The following CREBRF variants were observed in gnomAD, a reference collection of about 807,000 sequenced individuals.
CREBRF encodes the protein CREB3 regulatory factor.
Under a neutral mutation model 66.1 loss-of-function variants are expected in CREBRF, and 5 were observed. The observed-to-expected ratio is 0.08, with a 90% CI of 0.04 to 0.16. CREBRF has a LOEUF of 0.16. Among genes scored for constraint, CREBRF ranks in the 10% least tolerant of loss-of-function variants. The probability of loss-of-function intolerance (pLI) is 1.00; values close to 1 mark genes in which losing one functional copy is unlikely to be tolerated. For synonymous variants in CREBRF, 229 were observed against 264.4 expected, an observed-to-expected ratio of 0.87 and a Z score of 1.30; for missense variants, 531 against 744.9, an observed-to-expected ratio of 0.71 and a Z score of 3.34.
Position 173,086,641 on chromosome 5 carries a change from C to A in CREBRF, c.135+15C>A, listed in dbSNP as rs748505426. 8 of 1,598,368 alleles carry A rather than the reference C, an allele frequency of 5.0e-6. No individual in the cohort carries two copies. In the East Asian group the frequency reaches 1.6e-4, roughly 32 times the overall value. On this transcript the variant is annotated intron_variant, in intron 3 of 8. Coordinates refer to ENST00000296953, the MANE Select transcript of CREBRF (RefSeq NM_153607.3). ...TGTATGAACTGGTAAGCAACATTTTCTTGGTTTTGGTCTTGATTGATTTGG... is the reference window on the plus strand; with the variant it reads ...TGTATGAACTGGTAAGCAACATTTTATTGGTTTTGGTCTTGATTGATTTGG...
chr5:173,109,487 T>A (rs1386482752), intron 5 of CREBRF: 2 of 150,164 alleles, frequency 1.3e-5, no homozygotes, highest in Non-Finnish European at 2.9e-5. Context: ...AAAAAAATTT[T>A]AAAAATGACA....
At chr5:173,116,233 C>T (rs1758985561) in intron 7 of CREBRF, among the ~76,000 whole-genome samples, 1 of 152,198 alleles carries the variant, frequency 6.6e-6, no homozygotes, top group South Asian at 2.1e-4. Context: ...TTCCTTACAG[C>T]TTTACCGAGG....
chr5:173,070,026 C>G (rs1369104173), intron 1 of CREBRF, among the ~76,000 whole-genome samples: 1 of 151,876 alleles, frequency 6.6e-6, no homozygotes, highest in Non-Finnish European at 1.5e-5. Context: ...TCCTGAGCAG[C>G]TGGGACTACA....
Position 173,056,388 on chromosome 5 carries a change from A to G in CREBRF, c.-283A>G. On this transcript the variant is annotated 5_prime_UTR_variant, in exon 1 of 9. Coordinates refer to ENST00000296953, the MANE Select transcript of CREBRF (RefSeq NM_153607.3). ...TTTCCGGGAACCCGTCAGGAAGGACATAAACAAAACAAACCCGAGGCAGCA... is the reference window on the plus strand; with the variant it reads ...TTTCCGGGAACCCGTCAGGAAGGACGTAAACAAAACAAACCCGAGGCAGCA... The G allele has an allele frequency of 2.5e-6, 1 of 398,208 alleles. No homozygotes were observed. Among genetic ancestry groups the G allele is most frequent in the Non-Finnish European group, 4.4e-6 (1 of 225,766 alleles). 24.7% of individuals were successfully genotyped at this position (398,208 alleles called of 1,614,324 possible).
intron 3 of CREBRF, among the ~76,000 whole-genome samples, chr5:173,089,369 T>C (rs1396888190): frequency 6.6e-6 from 1 of 152,088 alleles, no homozygotes; most frequent in African/African-American, 2.4e-5. Flanking sequence ...TGTAAACATA[T>C]GTATATAGTT....
chr5:173,057,821 T>G (rs971405677), intron 1 of CREBRF: 7 of 151,226 alleles, frequency 4.6e-5, no homozygotes, highest in Non-Finnish European at 1.0e-4. Context: ...TCTTTTTTTT[T>G]TTTTTTCTCA....
Position 173,110,532 on chromosome 5 carries a change from A to C in CREBRF, c.1428A>C (p.Ala476=). The change falls in exon 6 of 9, where the codon GCA becomes GCC. Residue 476 remains alanine (A), a synonymous_variant. Coordinates refer to ENST00000296953, the MANE Select transcript of CREBRF (RefSeq NM_153607.3). ...QKNGLHHGKY[A]VKKSRRTDVE... is the part of the protein sequence containing the mutation. ...TTAAACTGTTTATAGGAAAATATGC[A>C]GTAAAGAAGTCACGGAGAACTGATG... The C allele has an allele frequency of 6.2e-7, 1 of 1,611,240 alleles. No individual in the cohort carries two copies.
intron 6 of CREBRF, among the ~76,000 whole-genome samples, chr5:173,111,639 C>T (rs1758872795): frequency 6.6e-6 from 1 of 152,200 alleles, no homozygotes; most frequent in African/African-American, 2.4e-5. Context: ...TGGGGATATA[C>T]TACAGTTTAT....
chr5:173,127,455 T>C (rs1446720873), intron 8 of CREBRF, among the ~76,000 whole-genome samples: 3 of 139,230 alleles, frequency 2.2e-5, no homozygotes, highest in African/African-American at 7.7e-5. Flanking sequence ...AGTTTCTTTT[T>C]CTTTTCTTTT....
At chr5:173,107,758 T>G (rs1172821687) in intron 4 of CREBRF, among the ~76,000 whole-genome samples, 1 of 151,954 alleles carries the variant, frequency 6.6e-6, no homozygotes, top group Non-Finnish European at 1.5e-5. Context: ...GAGGACTGCT[T>G]GTGAACCCAG....
chr5:173,117,961 T>C (rs1091970), intron 7 of CREBRF, among the ~76,000 whole-genome samples: 113,308 of 150,758 alleles, frequency 0.75, 43,975 homozygotes, highest in African/African-American at 0.94. Context: ...GCAAGCTCCA[T>C]CTCCTGGGTT....
rs528424283 is a variant in CREBRF at position 173,101,989 on chromosome 5, C to G, written c.1223-6635C>G. Among the ~76,000 whole-genome samples, 5 of 151,894 alleles carry G rather than the reference C, an allele frequency of 3.3e-5. No homozygotes were observed. In the East Asian group the frequency reaches 9.7e-4, roughly 29 times the overall value. On this transcript the variant is annotated intron_variant, in intron 4 of 8. Coordinates refer to ENST00000296953, the MANE Select transcript of CREBRF (RefSeq NM_153607.3). Reference sequence around the variant, plus strand: ...TCTTTATTCTTTTTCATTCCTTTTTCTTTTTGTTCCTCTAACTGGATAATT... The same window carrying G: ...TCTTTATTCTTTTTCATTCCTTTTTGTTTTTGTTCCTCTAACTGGATAATT...
At chr5:173,100,745 TGTTA>T (rs1274130317) in intron 4 of CREBRF, among the ~76,000 whole-genome samples, 1 of 152,256 alleles carries the variant, frequency 6.6e-6, no homozygotes, top group Admixed American at 6.5e-5. Flanking sequence ...GTTTTCATGC[TGTTA>T]GTTAGCATCC....
At chr5:173,111,433 A>ATTTTTGTAT (rs1561812342) in intron 6 of CREBRF, among the ~76,000 whole-genome samples, 1 of 152,096 alleles carries the variant, frequency 6.6e-6, no homozygotes, top group Non-Finnish European at 1.5e-5. Context: ...TGCCCAGCTA[A>ATTTTTGTAT]TTTTTGTATT....
intron 6 of CREBRF, 56 bp downstream of exon 6, chr5:173,110,767 C>A: frequency 7.5e-7 from 1 of 1,325,354 alleles, no homozygotes; most frequent in Admixed American, 2.4e-5. Flanking sequence ...GAGGTTAGTC[C>A]CTAAGTGAGT....
intron 8 of CREBRF, 64 bp from the exon 9 acceptor site, chr5:173,133,566 C>G: frequency 2.3e-6 from 2 of 865,660 alleles, no homozygotes; most frequent in East Asian, 2.5e-5. Context: ...TTTACCAGCT[C>G]CTTCCCTTCC....
intron 1 of CREBRF, among the ~76,000 whole-genome samples, chr5:173,063,677 T>C (rs925127160): frequency 1.3e-5 from 2 of 151,036 alleles, no homozygotes; most frequent in African/African-American, 4.9e-5. Context: ...CCTGCTGATT[T>C]CTTTTTCTTA....
At chr5:173,088,447 C>T (rs1173849803) in intron 3 of CREBRF, among the ~76,000 whole-genome samples, 1 of 135,070 alleles carries the variant, frequency 7.4e-6, no homozygotes, top group Non-Finnish European at 1.5e-5. Context: ...GGAGATTGCA[C>T]CACTGCACTC....
chr5:173,082,953 G>A (rs1457563427), intron 2 of CREBRF, among the ~76,000 whole-genome samples: 1 of 126,212 alleles, frequency 7.9e-6, no homozygotes, highest in African/African-American at 2.9e-5. Context: ...AAAACCGGGT[G>A]CAGTGGCTTG....
Sources: gnomAD v4.1 joint callset for allele counts (sites outside exome capture counted in the v4.1 genomes callset) on GRCh38, gnomAD v4.1.1 for gene constraint, MANE v1.5 for transcripts, NCBI Gene and HGNC (gene_info 2026-07-23, HGNC 2026-07-21) for gene names.